The following LPP variants were observed in gnomAD, a reference collection of about 807,000 sequenced individuals.
The protein encoded by LPP is LIM domain containing preferred translocation partner in lipoma.
Under a neutral mutation model 60.4 loss-of-function variants are expected in LPP, and 38 were observed. The observed-to-expected ratio is 0.63, with a 90% CI of 0.49 to 0.83. The LOEUF is 0.83. Ranked by LOEUF, LPP falls within the 40% of genes least tolerant of loss-of-function variation. LPP has a pLI of 0.00. For missense variants in LPP, 902 were observed against 783.6 expected, an observed-to-expected ratio of 1.15 and a Z score of -1.80; for synonymous variants, 328 against 290.8, an observed-to-expected ratio of 1.13 and a Z score of -1.30.
chr3:188,313,087 A>G (rs1344315056), intron 2 of LPP, among the ~76,000 whole-genome samples: 1 of 152,156 alleles, frequency 6.6e-6, no homozygotes, highest in Non-Finnish European at 1.5e-5. Flanking sequence ...TACATATGTA[A>G]CAAATCTGCA....
In LPP at chr3:188,645,088, T is replaced by C. The variant is rs547395735; in HGVS notation, c.1113+35244T>C. Among the ~76,000 whole-genome samples, 315 of 152,336 alleles carry C rather than the reference T, an allele frequency of 2.1e-3. 1 individual carries two copies. Among genetic ancestry groups the C allele is most frequent in the Non-Finnish European group, 3.7e-3 (255 of 68,028 alleles). ...TGAATACCTAGCCGCTTCTGGAAAATAGTATGTACTCAGTTACTGGTTATT... is the reference window on the plus strand; with the variant it reads ...TGAATACCTAGCCGCTTCTGGAAAACAGTATGTACTCAGTTACTGGTTATT... On this transcript the variant is annotated intron_variant, in intron 7 of 11. Coordinates refer to ENST00000617246, the MANE Select transcript of LPP (RefSeq NM_001375462.1).
intron 7 of LPP, among the ~76,000 whole-genome samples, chr3:188,637,781 C>T (rs1316825242): frequency 6.6e-6 from 1 of 152,186 alleles, no homozygotes; most frequent in Non-Finnish European, 1.5e-5. Context: ...GGATAAATTC[C>T]TTGATACGTA....
chr3:188,301,797 T>C (rs1749951238), intron 2 of LPP, among the ~76,000 whole-genome samples: 1 of 151,902 alleles, frequency 6.6e-6, no homozygotes, highest in African/African-American at 2.4e-5. Flanking sequence ...TGGACTACAG[T>C]TGTGTGCCAC....
chr3:188,685,042 C>G (rs1860392533), intron 7 of LPP, among the ~76,000 whole-genome samples: 2 of 152,188 alleles, frequency 1.3e-5, no homozygotes, highest in South Asian at 4.1e-4. Context: ...ATTGTTAAAA[C>G]AACCCTTTGA....
At chr3:188,871,728 T>A (rs1206962546) in intron 10 of LPP, among the ~76,000 whole-genome samples, 1 of 152,180 alleles carries the variant, frequency 6.6e-6, no homozygotes, top group Non-Finnish European at 1.5e-5. Context: ...TGTCATTTCA[T>A]ACCTTCACAA....
intron 1 of LPP, among the ~76,000 whole-genome samples, chr3:188,163,750 T>C (rs948128718): frequency 4.1e-5 from 6 of 146,550 alleles, no homozygotes; most frequent in African/African-American, 1.3e-4. Context: ...GAGACCAGCC[T>C]GGTCAACATG....
At position 188,599,751 on chromosome 3, in the gene LPP, G is replaced by GGGGTGTGTGTGT. The variant is rs374294307; in HGVS notation, c.430-9409_430-9408insGGTGTGTGTGTG. On this transcript the variant is annotated intron_variant, in intron 6 of 11. Coordinates refer to ENST00000617246, the MANE Select transcript of LPP (RefSeq NM_001375462.1). ...CAAAAACTATCGGGGACTCGTTAGG[G>GGGGTGTGTGTGT]GTGTGTGTGTGTGTGTGTGTGTGTG... is the stretch of plus-strand genomic sequence containing the variant. Among the ~76,000 whole-genome samples, 328 of 139,906 alleles carry GGGGTGTGTGTGT rather than the reference G, an allele frequency of 2.3e-3. 3 individuals are homozygous for GGGGTGTGTGTGT. The highest frequency in any genetic ancestry group is 0.011 in the Middle Eastern group (3 of 272). 91.8% of individuals were successfully genotyped at this position (139,906 alleles called of 152,430 possible).
intron 1 of LPP, chr3:188,178,943 A>G (rs344954): frequency 0.67 from 161,542 of 242,080 alleles, 56,013 homozygotes; most frequent in East Asian, 0.9. Flanking sequence ...ATGCAGGTAT[A>G]TTAGGCCAGA....
At chr3:188,277,159 C>G (rs1434417078) in intron 2 of LPP, among the ~76,000 whole-genome samples, 1 of 152,114 alleles carries the variant, frequency 6.6e-6, no homozygotes, top group Non-Finnish European at 1.5e-5. Context: ...CCGCCTCCAC[C>G]TCACAACGTG....
At chr3:188,772,198 A>G (rs181470981) in intron 9 of LPP, among the ~76,000 whole-genome samples, 1 of 152,274 alleles carries the variant, frequency 6.6e-6, no homozygotes, top group East Asian at 1.9e-4. Context: ...CACTTGCCCA[A>G]GGTGAGGACT....
At chr3:188,713,055 C>G (rs1349260542) in intron 8 of LPP, among the ~76,000 whole-genome samples, 1 of 152,006 alleles carries the variant, frequency 6.6e-6, no homozygotes, top group Non-Finnish European at 1.5e-5. Flanking sequence ...GACTTAAGTA[C>G]AAAGGAGAAA....
At chr3:188,669,508 G>A (rs542844192) in intron 7 of LPP, among the ~76,000 whole-genome samples, 7 of 152,192 alleles carry the variant, frequency 4.6e-5, no homozygotes, top group East Asian at 1.9e-4. Flanking sequence ...CCTGGGAGGC[G>A]GAGCTTGCAG....
At chr3:188,161,595 G>A (rs1718298334) in intron 1 of LPP, among the ~76,000 whole-genome samples, 1 of 152,154 alleles carries the variant, frequency 6.6e-6, no homozygotes, top group Non-Finnish European at 1.5e-5. Flanking sequence ...CCCCAGAAAA[G>A]GGACAGAGCT....
chr3:188,552,501 A>G (rs139073678), intron 6 of LPP, among the ~76,000 whole-genome samples: 250 of 152,212 alleles, frequency 1.6e-3, no homozygotes, highest in Middle Eastern at 6.8e-3. Context: ...AAACATCACA[A>G]ATTTCTTATC....
chr3:188,788,032 C>T (rs1742500323), intron 9 of LPP, among the ~76,000 whole-genome samples: 1 of 152,226 alleles, frequency 6.6e-6, no homozygotes, highest in African/African-American at 2.4e-5. Context: ...AATGGCATTA[C>T]CTTGTTGCTC....
intron 2 of LPP, among the ~76,000 whole-genome samples, chr3:188,303,008 T>C (rs1241758850): frequency 6.6e-6 from 1 of 152,176 alleles, no homozygotes; most frequent in Non-Finnish European, 1.5e-5. Context: ...TTCTTACTTT[T>C]AATCTGTTTT....
chr3:188,354,435 G>C (rs564443155), intron 3 of LPP, among the ~76,000 whole-genome samples: 6 of 152,066 alleles, frequency 3.9e-5, no homozygotes, highest in African/African-American at 1.4e-4. Flanking sequence ...CTTTGTGTGC[G>C]TGTCTCTGTG....
intron 8 of LPP, among the ~76,000 whole-genome samples, chr3:188,748,016 C>G (rs1194575895): frequency 6.6e-6 from 1 of 152,134 alleles, no homozygotes; most frequent in Non-Finnish European, 1.5e-5. Flanking sequence ...TCAGTGTACT[C>G]AAATCAGTCT....
intron 5 of LPP, among the ~76,000 whole-genome samples, chr3:188,507,010 G>A (rs761839544): frequency 2.6e-5 from 4 of 152,024 alleles, no homozygotes; most frequent in Non-Finnish European, 5.9e-5. Flanking sequence ...TGTTAGTCAG[G>A]ATGGTCTTGA....
Sources: gnomAD v4.1 joint callset for allele counts (sites outside exome capture counted in the v4.1 genomes callset) on GRCh38, gnomAD v4.1.1 for gene constraint, MANE v1.5 for transcripts, NCBI Gene and HGNC (gene_info 2026-07-23, HGNC 2026-07-21) for gene names.